ATP2B2: variants seen among roughly 807,000 people sequenced by gnomAD.
ATP2B2 encodes plasma membrane calcium-transporting ATPase 2.
In ATP2B2, 15 loss-of-function variants were observed where a neutral mutation model predicts 120.0. The ratio of observed to expected loss-of-function variants is 0.12; its 90% confidence interval spans 0.08 to 0.19. The LOEUF (loss-of-function observed/expected upper bound fraction) is 0.19, where lower values mean the gene tolerates loss of function less well. ATP2B2 is among the 10% of genes least tolerant of loss of function. The pLI, the probability that ATP2B2 is intolerant of heterozygous loss-of-function variation, is 1.00. For missense variants in ATP2B2, 1,045 were observed against 1,719.8 expected (o/e 0.61, Z 6.94); for synonymous variants, 694 against 700.3 (o/e 0.99, Z 0.14).
intron 2 of ATP2B2, among the ~76,000 whole-genome samples, chr3:10,618,989 C>T (rs2069472163): frequency 6.6e-6 from 1 of 152,126 alleles, no homozygotes; most frequent in Non-Finnish European, 1.5e-5. Flanking sequence ...GTGGGGCAGG[C>T]TCTCTCTTGT....
chr3:10,684,206 GC>G (rs1021023966), intron 1 of ATP2B2, among the ~76,000 whole-genome samples: 5 of 152,192 alleles, frequency 3.3e-5, no homozygotes, highest in African/African-American at 1.2e-4. Context: ...GCCAATGCCA[GC>G]CCCTTTATGG....
chr3:10,695,083 T>A (rs2071722063), intron 1 of ATP2B2, among the ~76,000 whole-genome samples: 1 of 152,088 alleles, frequency 6.6e-6, no homozygotes, highest in South Asian at 2.1e-4. Flanking sequence ...ATGAGTCTGT[T>A]TTCATGCTGC....
intron 2 of ATP2B2, among the ~76,000 whole-genome samples, chr3:10,590,048 T>C (rs1380050894): frequency 6.6e-6 from 1 of 152,192 alleles, no homozygotes; most frequent in Non-Finnish European, 1.5e-5. Flanking sequence ...ATGAGATGAA[T>C]GGATAAACTA....
intron 2 of ATP2B2, among the ~76,000 whole-genome samples, chr3:10,600,831 G>C (rs1011934066): frequency 2.0e-5 from 3 of 152,214 alleles, no homozygotes; most frequent in African/African-American, 7.2e-5. Flanking sequence ...TGAGGGCATG[G>C]GGAGGGAGAT....
Position 10,517,273 on chromosome 3 carries a change from G to A in ATP2B2, c.-320+16766C>T, listed in dbSNP as rs138326228. 7.7e-4 allele frequency among the ~76,000 whole-genome samples: 118 copies of A among 152,276 alleles called. 2 individuals are homozygous for A. The East Asian group carries it at 0.022, about 28-fold the overall frequency. ...GCGGGGAACCTGCAAGTGTCACACT[G>A]GGCAGATGCATCTCGCCTCGGCCAC... On this transcript the variant is annotated intron_variant, in intron 3 of 21. Coordinates refer to the ATP2B2 transcript ENST00000646379.
chr3:10,372,158 C>T (rs1016550749), intron 11 of ATP2B2, 107 bp from the exon 12 acceptor site: 8 of 1,480,508 alleles, frequency 5.4e-6, no homozygotes, highest in East Asian at 2.3e-5. Flanking sequence ...AGAGCCACCA[C>T]AGCCTGCCCC....
upstream of ATP2B2, among the ~76,000 whole-genome samples, chr3:10,509,700 C>A (rs1575439863): frequency 6.6e-6 from 1 of 152,310 alleles, no homozygotes; most frequent in East Asian, 1.9e-4. Context: ...TCCAGGGGAC[C>A]ACACGGGCTG....
intron 1 of ATP2B2, among the ~76,000 whole-genome samples, chr3:10,502,536 C>T (rs777810821): frequency 1.3e-5 from 2 of 152,244 alleles, no homozygotes; most frequent in African/African-American, 2.4e-5. Context: ...CTACAGAACA[C>T]GGTGTGACCT....
intron 3 of ATP2B2, among the ~76,000 whole-genome samples, chr3:10,512,264 A>T (rs920359499): frequency 6.6e-6 from 1 of 151,896 alleles, no homozygotes; most frequent in African/African-American, 2.4e-5. Context: ...AGGGGTGACG[A>T]CTGAGAATGC....
At chr3:10,427,788 T>C (rs950594289) in intron 2 of ATP2B2, among the ~76,000 whole-genome samples, 2 of 152,252 alleles carry the variant, frequency 1.3e-5, no homozygotes, top group Admixed American at 6.5e-5. Flanking sequence ...TCACCTCCTC[T>C]TGGAATCTGC....
chr3:10,664,656 G>C (rs918538812), intron 1 of ATP2B2, among the ~76,000 whole-genome samples: 1 of 152,182 alleles, frequency 6.6e-6, no homozygotes, highest in Non-Finnish European at 1.5e-5. Context: ...ATCTGGGTCT[G>C]TTGGGCGCAT....
At chr3:10,512,465 C>CGCACACACACACACTCACAG (rs1553623910) in intron 3 of ATP2B2, among the ~76,000 whole-genome samples, 15 of 11,094 alleles carry the variant, frequency 1.4e-3, no homozygotes, top group African/African-American at 2.7e-3. Context: ...AGTGTGTGCG[C>CGCACACACACACACTCACAG]ACACACACAC....
chr3:10,490,142 C>T (rs1005489326), intron 1 of ATP2B2, among the ~76,000 whole-genome samples: 1 of 152,226 alleles, frequency 6.6e-6, no homozygotes, highest in African/African-American at 2.4e-5. Flanking sequence ...CTCCTGCATC[C>T]CCCTGGCTTC....
At chr3:10,447,658 G>A (rs1251661704) in intron 2 of ATP2B2, among the ~76,000 whole-genome samples, 1 of 152,210 alleles carries the variant, frequency 6.6e-6, no homozygotes, top group Non-Finnish European at 1.5e-5. Context: ...GCGTCCTCAT[G>A]TGCCAACCTG....
chr3:10,598,492 A>G (rs1229962921), intron 2 of ATP2B2, among the ~76,000 whole-genome samples: 1 of 152,240 alleles, frequency 6.6e-6, no homozygotes, highest in Non-Finnish European at 1.5e-5. Flanking sequence ...GGGAATACAA[A>G]GAAGTGTGGC....
intron 2 of ATP2B2, among the ~76,000 whole-genome samples, chr3:10,429,841 C>A (rs1341598961): frequency 6.6e-6 from 1 of 152,182 alleles, no homozygotes; most frequent in African/African-American, 2.4e-5. Context: ...CCCGTGAACA[C>A]CTGAATGATA....
intron 1 of ATP2B2, among the ~76,000 whole-genome samples, chr3:10,658,980 T>C (rs2070710874): frequency 6.6e-6 from 1 of 152,178 alleles, no homozygotes; most frequent in Non-Finnish European, 1.5e-5. Flanking sequence ...CAGAATTTCA[T>C]ATCTAGTCAA....
intron 5 of ATP2B2, among the ~76,000 whole-genome samples, chr3:10,391,163 G>A (rs944700534): frequency 3.3e-5 from 5 of 152,146 alleles, no homozygotes; most frequent in South Asian, 2.1e-4. Flanking sequence ...TGCCCTCCAC[G>A]CTCAATGATC....
intron 12 of ATP2B2, among the ~76,000 whole-genome samples, chr3:10,370,475 C>A (rs2061194739): frequency 6.6e-6 from 1 of 152,206 alleles, no homozygotes; most frequent in Non-Finnish European, 1.5e-5. Flanking sequence ...TTTGGCATCA[C>A]CGCCAGGGTT....
Sources: gnomAD v4.1 joint callset for allele counts (sites outside exome capture counted in the v4.1 genomes callset) on GRCh38, gnomAD v4.1.1 for gene constraint, MANE v1.5 for transcripts, NCBI Gene and HGNC (gene_info 2026-07-23, HGNC 2026-07-21) for gene names.